The following PMFBP1 variants were observed in gnomAD, a reference collection of about 807,000 sequenced individuals.
PMFBP1 encodes polyamine-modulated factor 1-binding protein 1.
A neutral mutation model predicts 137.8 loss-of-function variants in PMFBP1; 131 were observed. That is an observed-to-expected ratio of 0.95 (90% confidence interval 0.82 to 1.10). The LOEUF is 1.10. Ranked by LOEUF, PMFBP1 falls within the 50% of genes least tolerant of loss-of-function variation. PMFBP1 has a pLI of 0.00. For synonymous variants in PMFBP1, 490 were observed against 450.4 expected, an observed-to-expected ratio of 1.09 and a Z score of -1.11; for missense variants, 1,199 against 1,175.4, an observed-to-expected ratio of 1.02 and a Z score of -0.29.
upstream of PMFBP1, chr16:72,176,802 C>T (rs186200346): frequency 6.6e-6 from 1 of 152,270 alleles, no homozygotes; most frequent in Non-Finnish European, 1.5e-5. Context: ...TCTCAGAGAT[C>T]TCTCTCTACA....
chr16:72,120,404 T>C (rs1312519853), intron 19 of PMFBP1, among the ~76,000 whole-genome samples: 1 of 152,044 alleles, frequency 6.6e-6, no homozygotes, highest in African/African-American at 2.4e-5. Flanking sequence ...GAGGATCTGG[T>C]TTGATAAATG....
intron 4 of PMFBP1, among the ~76,000 whole-genome samples, chr16:72,151,126 G>A (rs139311686): frequency 3.3e-5 from 5 of 152,316 alleles, no homozygotes; most frequent in South Asian, 2.1e-4. Flanking sequence ...TGATTAATAG[G>A]AATGAATTTG....
At chr16:72,147,203 C>G (rs2042821987) in intron 5 of PMFBP1, among the ~76,000 whole-genome samples, 4 of 152,076 alleles carry the variant, frequency 2.6e-5, no homozygotes, top group Non-Finnish European at 5.9e-5. Flanking sequence ...AGAACAGAGG[C>G]CTCAGAAATA....
At chr16:72,141,537 T>C (rs766050265) in intron 5 of PMFBP1, among the ~76,000 whole-genome samples, 3 of 152,210 alleles carry the variant, frequency 2.0e-5, no homozygotes, top group African/African-American at 7.2e-5. Context: ...ATCTGTACAA[T>C]ATAAATTATG....
At chr16:72,186,870 T>C in the PMFBP1 span, among the ~76,000 whole-genome samples, 2 of 151,902 alleles carry the variant, frequency 1.3e-5, no homozygotes, top group African/African-American at 4.8e-5. Flanking sequence ...CCCAGCACTT[T>C]GGGAGGCCTC....
chr16:72,173,257 C>A (rs2043237511), upstream of PMFBP1, among the ~76,000 whole-genome samples: 1 of 152,234 alleles, frequency 6.6e-6, no homozygotes, highest in African/African-American at 2.4e-5. Context: ...TTAGGAGGAA[C>A]TATGAACTCA....
chr16:72,121,383 A>G (rs1009750215), intron 19 of PMFBP1, among the ~76,000 whole-genome samples: 2 of 152,134 alleles, frequency 1.3e-5, no homozygotes, highest in Non-Finnish European at 2.9e-5. Context: ...AAAGCCTTCA[A>G]TATCCCATAC....
chr16:72,164,498 G>A, intron 3 of PMFBP1: 4 of 1,424,294 alleles, frequency 2.8e-6, no homozygotes, highest in Non-Finnish European at 2.8e-6. Context: ...TGTAAATACA[G>A]GTGTGAAAGG....
At chr16:72,131,471 C>T (rs1158741462) in intron 10 of PMFBP1, among the ~76,000 whole-genome samples, 1 of 152,146 alleles carries the variant, frequency 6.6e-6, no homozygotes, top group Non-Finnish European at 1.5e-5. Context: ...CCAGCAATAT[C>T]CTTCTAGCCC....
the PMFBP1 span, among the ~76,000 whole-genome samples, chr16:72,243,058 CT>C: frequency 6.6e-6 from 1 of 152,140 alleles, no homozygotes; most frequent in East Asian, 1.9e-4. Flanking sequence ...TGACTTTTGT[CT>C]TTTTATCATT....
chr16:72,244,542 G>A, the PMFBP1 span, among the ~76,000 whole-genome samples: 1 of 152,164 alleles, frequency 6.6e-6, no homozygotes, highest in Non-Finnish European at 1.5e-5. Flanking sequence ...AATTGCACCA[G>A]AAAGGAAACA....
intron 3 of PMFBP1, among the ~76,000 whole-genome samples, chr16:72,156,912 G>T (rs2042989278): frequency 6.6e-6 from 1 of 151,986 alleles, no homozygotes; most frequent in Non-Finnish European, 1.5e-5. Context: ...AATCGGCTGG[G>T]TGCGGTGGCT....
chr16:72,169,184 C>A (rs771750839), intron 2 of PMFBP1, among the ~76,000 whole-genome samples: 1 of 152,126 alleles, frequency 6.6e-6, no homozygotes, highest in African/African-American at 2.4e-5. Context: ...AGGATGAGGA[C>A]AAATCTTCAA....
intron 5 of PMFBP1, among the ~76,000 whole-genome samples, chr16:72,140,926 G>GTATTTT (rs1567629530): frequency 1.2e-5 from 1 of 83,566 alleles, no homozygotes; most frequent in Non-Finnish European, 2.4e-5. Context: ...ACACAAATGA[G>GTATTTT]TCTTTTTTTT....
At chr16:72,209,638 C>T in the PMFBP1 span, among the ~76,000 whole-genome samples, 5 of 152,078 alleles carry the variant, frequency 3.3e-5, no homozygotes, top group Non-Finnish European at 5.9e-5. Context: ...ACAAATTATA[C>T]TCAAATAATC....
chr16:72,198,857 A>G, the PMFBP1 span, among the ~76,000 whole-genome samples: 5 of 137,940 alleles, frequency 3.6e-5, no homozygotes, highest in African/African-American at 1.3e-4. Flanking sequence ...ACCAGGAGGT[A>G]CGGCCGCCGA....
intron 5 of PMFBP1, among the ~76,000 whole-genome samples, chr16:72,147,945 T>C (rs147099585): frequency 0.012 from 1,882 of 152,236 alleles, 27 homozygotes; most frequent in African/African-American, 0.043. Flanking sequence ...AGTTCAACCA[T>C]TGTGGAAGAC....
the PMFBP1 span, among the ~76,000 whole-genome samples, chr16:72,192,062 C>T: frequency 6.6e-6 from 1 of 152,186 alleles, no homozygotes; most frequent in Non-Finnish European, 1.5e-5. Flanking sequence ...AGTGTTTCTC[C>T]TTGTGGCATT....
At chr16:72,230,873 G>A in the PMFBP1 span, among the ~76,000 whole-genome samples, 1 of 152,028 alleles carries the variant, frequency 6.6e-6, no homozygotes, top group Non-Finnish European at 1.5e-5. Context: ...TCATATTCCT[G>A]TCATAAGCAT....
Sources: gnomAD v4.1 joint callset for allele counts (sites outside exome capture counted in the v4.1 genomes callset) on GRCh38, gnomAD v4.1.1 for gene constraint, MANE v1.5 for transcripts, NCBI Gene and HGNC (gene_info 2026-07-23, HGNC 2026-07-21) for gene names.